Variants in ACTR6 observed in about 807,000 individuals in gnomAD.
ACTR6 encodes the protein actin-related protein 6.
A neutral mutation model predicts 52.5 loss-of-function variants in ACTR6; 50 were observed. The ratio of observed to expected loss-of-function variants is 0.95; its 90% CI spans 0.76 to 1.20. The LOEUF (loss-of-function observed/expected upper bound fraction) is 1.20, where lower values mean the gene tolerates loss of function less well. Ranked by LOEUF, ACTR6 falls within the 50% of genes most tolerant of loss-of-function variation. ACTR6 has a pLI of 0.00. For missense variants in ACTR6, 344 were observed against 472.4 expected (o/e 0.73, Z 2.52); for synonymous variants, 135 against 147.2 (o/e 0.92, Z 0.60).
intron 8 of ACTR6, among the ~76,000 whole-genome samples, chr12:100,213,602 G>C (rs1250094303): frequency 6.6e-6 from 1 of 152,184 alleles, no homozygotes; most frequent in East Asian, 1.9e-4. Flanking sequence ...AATTGAGTTA[G>C]AAATTGGTTA....
intron 4 of ACTR6, chr12:100,208,840 G>C (rs541941314): frequency 5.1e-4 from 229 of 451,492 alleles, no homozygotes; most frequent in Admixed American, 2.3e-3. Flanking sequence ...TCCACCTCCT[G>C]GGCTCAAGGG....
intron 3 of ACTR6, among the ~76,000 whole-genome samples, chr12:100,207,042 C>T (rs2096115456): frequency 6.6e-6 from 1 of 151,760 alleles, no homozygotes; most frequent in African/African-American, 2.4e-5. Flanking sequence ...ATTAATGTTT[C>T]TATAATTGTC....
At chr12:100,219,865 G>T in intron 9 of ACTR6, 143 bp from the exon 10 acceptor site, 1 of 729,170 alleles carries the variant, frequency 1.4e-6, no homozygotes, top group Non-Finnish European at 2.2e-6. Flanking sequence ...TCTTAGAATG[G>T]ACCTGAAAAT....
chr12:100,201,048 T>C, intron 1 of ACTR6, 129 bp downstream of exon 1: 1 of 1,543,184 alleles, frequency 6.5e-7, no homozygotes, highest in Non-Finnish European at 8.7e-7. Context: ...AGGGATTCCC[T>C]GGTTGGAGCT....
intron 8 of ACTR6, among the ~76,000 whole-genome samples, chr12:100,216,122 C>T (rs778657909): frequency 6.6e-6 from 1 of 152,226 alleles, no homozygotes; most frequent in Non-Finnish European, 1.5e-5. Context: ...GCCAGTATAA[C>T]ATACACTGAT....
At chr12:100,214,260 T>A (rs1359101863) in intron 8 of ACTR6, among the ~76,000 whole-genome samples, 21 of 152,220 alleles carry the variant, frequency 1.4e-4, no homozygotes, top group Admixed American at 1.4e-3. Flanking sequence ...TGTCAGCTTA[T>A]CTGTAAAGTT....
intron 3 of ACTR6, 101 bp downstream of exon 3, chr12:100,205,845 C>G: frequency 1.6e-6 from 1 of 615,352 alleles, no homozygotes. Flanking sequence ...GAATAATGTT[C>G]TCCGCACATT....
rs758770179 is a variant in ACTR6, at chr12:100,207,879, T to C, written c.379+93T>C. The stretch of plus-strand genomic sequence containing the variant: ...GTCCCAAAATATTAAGTGGCATTCT[T>C]GGCTAGCACAGTGGCTAACACCTGT... On this transcript the variant is annotated intron_variant, in intron 4 of 10. Transcript: ENST00000188312. The C allele has an allele frequency of 1.1e-5, 15 of 1,420,614 alleles. 1 individual carries two copies. The South Asian group carries it at 1.5e-4, about 14-fold the overall frequency. 88.0% of individuals were successfully genotyped at this position (1,420,614 alleles called of 1,614,324 possible). A position where few individuals can be genotyped will look rare whatever the true frequency, so the allele number is the denominator to read the frequency against.
chr12:100,209,807 T>TGTAGTA (rs2096118361), intron 4 of ACTR6, among the ~76,000 whole-genome samples: 1 of 152,352 alleles, frequency 6.6e-6, no homozygotes, highest in East Asian at 1.9e-4. Flanking sequence ...GAGCTGCTGT[T>TGTAGTA]GTAGTAATTC....
chr12:100,215,026 T>C (rs1038578432), intron 8 of ACTR6, among the ~76,000 whole-genome samples: 2 of 152,224 alleles, frequency 1.3e-5, no homozygotes, highest in African/African-American at 4.8e-5. Context: ...GTGGAAATTT[T>C]ATGGTACTCT....
intron 4 of ACTR6, among the ~76,000 whole-genome samples, chr12:100,209,043 G>A (rs1016079915): frequency 6.6e-6 from 1 of 152,226 alleles, no homozygotes; most frequent in Admixed American, 6.5e-5. Flanking sequence ...CACGGCTCCA[G>A]GCCGAATTCT....
intron 4 of ACTR6, chr12:100,208,648 T>C (rs556412134): frequency 2.2e-6 from 1 of 451,620 alleles, no homozygotes; most frequent in African/African-American, 2.0e-5. Context: ...TTTACTAATA[T>C]TTCTTCTAAT....
intron 2 of ACTR6, 173 bp from the exon 3 acceptor site, chr12:100,205,503 T>A: frequency 2.6e-6 from 1 of 391,204 alleles, no homozygotes; most frequent in Non-Finnish European, 4.5e-6. Context: ...AAAAAAATTT[T>A]TTTTTAAATT....
chr12:100,202,226 G>A (rs147394015), intron 1 of ACTR6, among the ~76,000 whole-genome samples: 2 of 151,944 alleles, frequency 1.3e-5, no homozygotes, highest in African/African-American at 4.8e-5. Context: ...CCACCGCACC[G>A]GGCCATGACA....
At chr12:100,211,374 A>C (rs2096119769) in intron 6 of ACTR6, among the ~76,000 whole-genome samples, 1 of 152,076 alleles carries the variant, frequency 6.6e-6, no homozygotes, top group Non-Finnish European at 1.5e-5. Context: ...TTGGCTCAAG[A>C]AATTATCCTG....
intron 8 of ACTR6, among the ~76,000 whole-genome samples, chr12:100,213,872 G>T (rs1438773686): frequency 2.6e-5 from 4 of 152,084 alleles, no homozygotes; most frequent in Non-Finnish European, 5.9e-5. Context: ...AAAAATCTTT[G>T]GTCAGAAACA....
At chr12:100,208,824 G>A in intron 4 of ACTR6, 2 of 450,558 alleles carry the variant, frequency 4.4e-6, no homozygotes, top group South Asian at 3.1e-5. Flanking sequence ...ATGGCTCACT[G>A]TAGCCTCCAC....
chr12:100,211,976 C>T (rs959174378), intron 6 of ACTR6, among the ~76,000 whole-genome samples: 14 of 152,026 alleles, frequency 9.2e-5, no homozygotes, highest in African/African-American at 1.4e-4. Flanking sequence ...GAATGGTTTG[C>T]GGGGGAATGT....
intron 6 of ACTR6, among the ~76,000 whole-genome samples, chr12:100,211,268 G>C (rs1168199929): frequency 6.6e-6 from 1 of 152,120 alleles, no homozygotes; most frequent in African/African-American, 2.4e-5. Flanking sequence ...CTGATCTGAT[G>C]CACTGTGTGG....
Sources: gnomAD v4.1 joint callset for allele counts (sites outside exome capture counted in the v4.1 genomes callset) on GRCh38, gnomAD v4.1.1 for gene constraint, MANE v1.5 for transcripts, NCBI Gene and HGNC (gene_info 2026-07-23, HGNC 2026-07-21) for gene names.